Variants in GALNT12 observed in about 807,000 individuals in gnomAD.
The protein encoded by GALNT12 is UDP-GalNAc:polypeptide N-acetylgalactosaminyltransferase 12.
GALNT12 carries 45 observed loss-of-function variants against 55.5 expected under a neutral mutation model. That is an observed-to-expected ratio of 0.81 (90% confidence interval 0.64 to 1.04). The LOEUF (loss-of-function observed/expected upper bound fraction) is 1.04, where lower values mean the gene tolerates loss of function less well. Among genes scored for constraint, GALNT12 ranks in the 50% least tolerant of loss-of-function variants. GALNT12 has a pLI of 0.00. For missense variants in GALNT12, 709 were observed against 754.8 expected (o/e 0.94, Z 0.71); for synonymous variants, 304 against 312.2 (o/e 0.97, Z 0.28).
At chr9:98,826,332 A>G (rs540100072) in intron 2 of GALNT12, among the ~76,000 whole-genome samples, 129 of 152,348 alleles carry the variant, frequency 8.5e-4, no homozygotes, top group Non-Finnish European at 1.3e-3. Flanking sequence ...TACTCCTGAG[A>G]AAATTTCTAT....
At chr9:98,839,700 C>CA (rs79312801) in intron 6 of GALNT12, among the ~76,000 whole-genome samples, 7,127 of 152,300 alleles carry the variant, frequency 0.047, 253 homozygotes, top group East Asian at 0.16. Flanking sequence ...AGTGCAGCCC[C>CA]AGGGCTTGGC....
At chr9:98,821,372 A>G (rs542158276) in intron 1 of GALNT12, among the ~76,000 whole-genome samples, 14 of 152,072 alleles carry the variant, frequency 9.2e-5, no homozygotes, top group Middle Eastern at 6.8e-3. Context: ...CTGTAATCCC[A>G]GCACTTTGGG....
intron 1 of GALNT12, among the ~76,000 whole-genome samples, chr9:98,822,504 C>T (rs3813711): frequency 0.41 from 62,723 of 152,024 alleles, 13,852 homozygotes; most frequent in South Asian, 0.56. Context: ...GTGGGCTCAG[C>T]CCCACCCCAC....
intron 1 of GALNT12, among the ~76,000 whole-genome samples, chr9:98,811,808 G>A (rs1284636490): frequency 1.3e-5 from 2 of 150,048 alleles, no homozygotes; most frequent in Non-Finnish European, 1.5e-5. Flanking sequence ...TCAGCCTCCC[G>A]AGTAGCTGGG....
chr9:98,845,928 C>T lies in GALNT12; in HGVS notation c.1459-49C>T, dbSNP rs778940636. On this transcript the variant is annotated intron_variant, in intron 8 of 9. Transcript: ENST00000375011. Reference sequence around the variant, plus strand: ...TCTTGTCCAGCGATCTTTCCTCTTCCCACATCAGTGGAAAATGTTGTGTTA... The same window carrying T: ...TCTTGTCCAGCGATCTTTCCTCTTCTCACATCAGTGGAAAATGTTGTGTTA... 5.0e-6 allele frequency: 8 copies of T among 1,602,928 alleles called. No homozygotes were observed. In the South Asian group the frequency reaches 8.9e-5, roughly 18 times the overall value.
At position 98,826,747 on chromosome 9, in the gene GALNT12, C is replaced by G; in HGVS notation, c.542-5C>G. ...TGACCCCTGTTGCTTTGTTTGCCTC[C>G]CTAGAGCACCTGAAGGAGCGCTTGG... On this transcript the variant is annotated splice_polypyrimidine_tract_variant and splice_region_variant and intron_variant, in intron 2 of 9. Transcript: ENST00000375011. The G allele has an allele frequency of 1.2e-6, 2 of 1,610,456 alleles. No individual in the cohort carries two copies. The highest frequency in any genetic ancestry group is 1.7e-6 in the Non-Finnish European group (2 of 1,179,496).
intron 1 of GALNT12, among the ~76,000 whole-genome samples, chr9:98,812,092 A>G (rs1835507911): frequency 6.6e-6 from 1 of 152,206 alleles, no homozygotes; most frequent in Admixed American, 6.5e-5. Context: ...AAAGTTGTGG[A>G]TATTTTATGA....
At chr9:98,809,498 G>C (rs796443469) in intron 1 of GALNT12, among the ~76,000 whole-genome samples, 2 of 152,154 alleles carry the variant, frequency 1.3e-5, no homozygotes, top group Non-Finnish European at 2.9e-5. Flanking sequence ...TCTTTTGCTC[G>C]TCACTTCTGT....
intron 9 of GALNT12, among the ~76,000 whole-genome samples, chr9:98,847,811 CT>C (rs754967420): frequency 0.05 from 6,122 of 122,558 alleles, 231 homozygotes; most frequent in African/African-American, 0.17. Context: ...AGGGCTGGAT[CT>C]TTTTTTTTTT....
chr9:98,840,236 C>A, intron 7 of GALNT12, 103 bp downstream of exon 7: 2 of 1,414,656 alleles, frequency 1.4e-6, no homozygotes, highest in Non-Finnish European at 2.0e-6. Context: ...GGAGCACTGG[C>A]TTCCTCCACT....
chr9:98,822,747 T>G (rs1415762749), intron 1 of GALNT12, among the ~76,000 whole-genome samples: 1 of 152,052 alleles, frequency 6.6e-6, no homozygotes, highest in Admixed American at 6.6e-5. Context: ...CATGCTGAGA[T>G]GGAGGTGGGC....
At position 98,849,434 on chromosome 9, in the gene GALNT12, A is replaced by G. The variant is rs981568687; in HGVS notation, c.*342A>G. ...CCTTTTACTCTCATTAGCAAAAAAG[A>G]TAAAGATTTTATTTTGGTATTTACA... On this transcript the variant is annotated 3_prime_UTR_variant, in exon 10 of 10. Transcript: ENST00000375011. The G allele has an allele frequency of 3.8e-6, 2 of 530,426 alleles. No homozygotes were observed. Among genetic ancestry groups the G allele is most frequent in the African/African-American group, 1.9e-5 (1 of 52,296 alleles). The allele number at this position is 530,426 out of a possible 1,614,324, so 32.9% of individuals were successfully genotyped here.
At chr9:98,818,747 T>A (rs1361479386) in intron 1 of GALNT12, among the ~76,000 whole-genome samples, 1 of 152,224 alleles carries the variant, frequency 6.6e-6, no homozygotes, top group Non-Finnish European at 1.5e-5. Context: ...GACACTTTCT[T>A]TGTGATTTAT....
At chr9:98,842,574 T>C (rs567033812) in intron 7 of GALNT12, among the ~76,000 whole-genome samples, 4 of 152,286 alleles carry the variant, frequency 2.6e-5, no homozygotes, top group Admixed American at 1.3e-4. Context: ...TTTGACACCT[T>C]ACAGTGGCGT....
chr9:98,823,497 C>A, intron 2 of GALNT12, 72 bp downstream of exon 2: 1 of 1,391,384 alleles, frequency 7.2e-7, no homozygotes, highest in Non-Finnish European at 1.0e-6. Context: ...GAGTGGGATG[C>A]AGGAGGGCTA....
intron 4 of GALNT12, among the ~76,000 whole-genome samples, chr9:98,834,510 G>A (rs1289188236): frequency 6.6e-6 from 1 of 152,216 alleles, no homozygotes; most frequent in Non-Finnish European, 1.5e-5. Flanking sequence ...TGGAAGCCGT[G>A]GGCCGTTTCT....
chr9:98,824,848 C>T (rs1835823620), intron 2 of GALNT12, among the ~76,000 whole-genome samples: 1 of 152,210 alleles, frequency 6.6e-6, no homozygotes, highest in Non-Finnish European at 1.5e-5. Flanking sequence ...GCAGCCGGCA[C>T]ATAGTAGGTG....
intron 1 of GALNT12, among the ~76,000 whole-genome samples, chr9:98,820,218 A>G (rs1001597797): frequency 1.3e-5 from 2 of 152,074 alleles, no homozygotes; most frequent in Admixed American, 6.5e-5. Flanking sequence ...CCCAGCATGC[A>G]TTAGCTATTC....
intron 3 of GALNT12, 54 bp from the exon 4 acceptor site, chr9:98,831,718 T>G: frequency 6.2e-7 from 1 of 1,604,152 alleles, no homozygotes; most frequent in South Asian, 1.1e-5. Context: ...CCCAATTGTC[T>G]TCCTGCTGCC....
Sources: allele counts gnomAD v4.1 joint callset (sites outside exome capture counted in the v4.1 genomes callset), GRCh38; gene constraint gnomAD v4.1.1; transcripts MANE v1.5; gene names NCBI Gene and HGNC (gene_info 2026-07-23, HGNC 2026-07-21).